Variants in KRT8 observed in about 807,000 individuals in gnomAD.
The protein encoded by KRT8 is keratin 8.
KRT8 carries 24 observed loss-of-function variants against 43.0 expected under a neutral mutation model. That is an observed-to-expected ratio of 0.56 (90% CI 0.40 to 0.78). The LOEUF (loss-of-function observed/expected upper bound fraction) is 0.78, where lower values mean the gene tolerates loss of function less well. Ranked by LOEUF, KRT8 falls within the 30% of genes least tolerant of loss-of-function variation. KRT8 has a pLI of 0.00. For missense variants in KRT8, 492 were observed against 638.4 expected (o/e 0.77, Z 2.47); for synonymous variants, 214 against 261.2 (o/e 0.82, Z 1.74).
upstream of KRT8, among the ~76,000 whole-genome samples, chr12:52,908,124 G>T (rs1341930766): frequency 6.6e-6 from 1 of 152,230 alleles, no homozygotes; most frequent in African/African-American, 2.4e-5. Flanking sequence ...TTCAGAGAAG[G>T]CCCTGAGACC....
At chr12:52,943,864 C>A (rs1291701640) in intron 2 of KRT8, among the ~76,000 whole-genome samples, 2 of 152,174 alleles carry the variant, frequency 1.3e-5, no homozygotes, top group Non-Finnish European at 2.9e-5. Context: ...GAGACAGAGC[C>A]GGCTGACTGG....
intron 2 of KRT8, among the ~76,000 whole-genome samples, chr12:52,929,540 G>A (rs1942051242): frequency 1.3e-5 from 2 of 151,954 alleles, no homozygotes; most frequent in South Asian, 4.2e-4. Flanking sequence ...ATTGCCTTCT[G>A]CATTTCTTGC....
At chr12:52,911,324 C>A (rs998516091), upstream of KRT8, among the ~76,000 whole-genome samples, 1 of 151,526 alleles carries the variant, frequency 6.6e-6, no homozygotes, top group Non-Finnish European at 1.5e-5. Context: ...TGCACTCCAG[C>A]CTGGGTGACA....
At chr12:52,900,955 T>C (rs955629938) in intron 3 of KRT8, 118 of 648,258 alleles carry the variant, frequency 1.8e-4, no homozygotes, top group Non-Finnish European at 2.6e-4. Context: ...TTCTGAACCA[T>C]GTCCCAACAC....
chr12:52,916,221 G>T (rs1018243245), intron 2 of KRT8, among the ~76,000 whole-genome samples: 2 of 152,108 alleles, frequency 1.3e-5, no homozygotes, highest in Admixed American at 1.3e-4. Context: ...AGCTGGCTGG[G>T]GTGTTCAGGA....
intron 2 of KRT8, 44 bp downstream of exon 2, chr12:52,901,820 A>G: frequency 7.4e-7 from 1 of 1,352,156 alleles, no homozygotes; most frequent in Non-Finnish European, 1.1e-6. Context: ...GGGGTGGAGG[A>G]GAGCACGGTG....
chr12:52,938,190 A>G (rs1366097328), intron 2 of KRT8, among the ~76,000 whole-genome samples: 1 of 64,732 alleles, frequency 1.5e-5, no homozygotes, highest in Non-Finnish European at 3.4e-5. Flanking sequence ...TTTTTTATAT[A>G]TAAGGTCTTG....
chr12:52,907,533 T>C (rs371138344), upstream of KRT8, among the ~76,000 whole-genome samples: 72 of 152,352 alleles, frequency 4.7e-4, 1 homozygote, highest in South Asian at 7.2e-3. Flanking sequence ...CCCACCTTTC[T>C]GGTTCCCTGG....
rs201337714 is a variant in KRT8, at chr12:52,925,347, TGA to T, written c.-46-20322_-46-20321del. The stretch of plus-strand genomic sequence containing the variant: ...ATCTCTGGCTCCCAGGGGCTCAGGC[TGA>T]GTCAGGGCTGGAGGCTGGGAGAGAC... On this transcript the variant is annotated intron_variant, in intron 2 of 6. Transcript: ENST00000546826. 7.7e-3 allele frequency among the ~76,000 whole-genome samples: 1,179 copies of T among 152,294 alleles called. 12 individuals are homozygous for T. The highest frequency in any genetic ancestry group is 0.031 in the Middle Eastern group (9 of 294).
intron 2 of KRT8, chr12:52,949,079 T>C: frequency 2.5e-6 from 3 of 1,190,404 alleles, no homozygotes; most frequent in Non-Finnish European, 3.7e-6. Flanking sequence ...GGGCGGGGCC[T>C]CACTCTGCGA....
chr12:52,925,711 G>A (rs532132291), intron 2 of KRT8, among the ~76,000 whole-genome samples: 2 of 152,288 alleles, frequency 1.3e-5, no homozygotes, highest in Admixed American at 6.5e-5. Flanking sequence ...CTCCAGGGCT[G>A]GGCAATACTA....
intron 7 of KRT8, 134 bp from the exon 8 acceptor site, chr12:52,897,752 G>T: frequency 8.2e-7 from 1 of 1,221,850 alleles, no homozygotes; most frequent in Non-Finnish European, 1.2e-6. Context: ...ATCAGTGATT[G>T]CATGGTTCAC....
rs1942028705 is a variant in KRT8 at position 52,928,357 on chromosome 12, T to G, written c.-47+21099A>C. On this transcript the variant is annotated intron_variant, in intron 2 of 6. Transcript: ENST00000546826. ...AGGAGCCCCCAGTGCACCACCACCA[T>G]CCTTAACAATGCCCCTACCATTATG... 3.3e-5 allele frequency among the ~76,000 whole-genome samples: 5 copies of G among 152,054 alleles called. No individual in the cohort carries two copies. In the South Asian group the frequency reaches 1.0e-3, roughly 31 times the overall value.
intron 2 of KRT8, among the ~76,000 whole-genome samples, chr12:52,932,092 C>CTTTTTT (rs139882612): frequency 3.1e-5 from 4 of 128,690 alleles, no homozygotes; most frequent in African/African-American, 5.8e-5. Context: ...GTAAATCATT[C>CTTTTTT]TTTTTTTTTT....
At chr12:52,949,166 C>T in intron 2 of KRT8, 15 of 1,610,798 alleles carry the variant, frequency 9.3e-6, no homozygotes, top group Non-Finnish European at 1.3e-5. Flanking sequence ...TCTCTCTCCC[C>T]GGACAGCATG....
intron 2 of KRT8, chr12:52,949,054 G>A: frequency 1.0e-6 from 1 of 964,374 alleles, no homozygotes. Flanking sequence ...GGCTTCCGAA[G>A]CGGCTCCGGG....
intron 2 of KRT8, among the ~76,000 whole-genome samples, chr12:52,927,359 C>T (rs1402616361): frequency 4.6e-5 from 7 of 152,228 alleles, no homozygotes; most frequent in Non-Finnish European, 7.3e-5. Context: ...TTCAGTGACT[C>T]ACCACCCTTG....
rs1221505213 is a variant in KRT8 at position 52,940,450 on chromosome 12, A to AT, written c.-47+9005_-47+9006insA. On this transcript the variant is annotated intron_variant, in intron 2 of 6. Transcript: ENST00000546826. ...TCAGTCTCAAAAAAAAAAAAAAAAAAGAAAAGTAAAAAGCTACACAAAAAA... is the reference window on the plus strand; with the variant it reads ...TCAGTCTCAAAAAAAAAAAAAAAAAATGAAAAGTAAAAAGCTACACAAAAAA... Among the ~76,000 whole-genome samples, 20 of 149,954 alleles carry AT rather than the reference A, an allele frequency of 1.3e-4. No individual in the cohort carries two copies. The East Asian group carries it at 3.5e-3, about 26-fold the overall frequency.
chr12:52,901,755 T>A (rs1242124787), intron 2 of KRT8, 109 bp downstream of exon 2: 36 of 799,496 alleles, frequency 4.5e-5, no homozygotes, highest in Non-Finnish European at 2.2e-6. Flanking sequence ...CCTAATTAGA[T>A]AGGACTGCAC....
Sources: gnomAD v4.1 joint callset for allele counts (sites outside exome capture counted in the v4.1 genomes callset) on GRCh38, gnomAD v4.1.1 for gene constraint, MANE v1.5 for transcripts, NCBI Gene and HGNC (gene_info 2026-07-23, HGNC 2026-07-21) for gene names.